The following KMT2D variants were observed in gnomAD, a reference collection of about 807,000 sequenced individuals.
KMT2D encodes histone-lysine N-methyltransferase 2D.
In KMT2D, 55 loss-of-function variants were observed where a neutral mutation model predicts 512.7. The observed-to-expected ratio is 0.11, with a 90% CI of 0.09 to 0.13. The LOEUF (loss-of-function observed/expected upper bound fraction) is 0.13, where lower values mean the gene tolerates loss of function less well. Ranked by LOEUF, KMT2D falls within the 10% of genes least tolerant of loss-of-function variation. The pLI is 1.00. For missense variants in KMT2D, 6,061 were observed against 7,127.9 expected, an observed-to-expected ratio of 0.85 and a Z score of 5.39; for synonymous variants, 2,995 against 2,904.0, an observed-to-expected ratio of 1.03 and a Z score of -1.01.
In KMT2D at chr12:49,038,969, T is replaced by G. The variant is rs534493047; in HGVS notation, c.8387A>C (p.Gln2796Pro). The part of the protein sequence containing the change: ...VNSRQLVGGS[Q>P]AFYQRAPYPG... ...ATAGGGTGCTCGCTGATAGAAAGCTTGGGAGCCTCCTACCAGTTGCCTGGA... is the reference window on the plus strand; with the variant it reads ...ATAGGGTGCTCGCTGATAGAAAGCTGGGGAGCCTCCTACCAGTTGCCTGGA... Residue 2796 changes from glutamine to proline, a missense_variant, in exon 35 of 55, where the codon CAA (glutamine) becomes CCA (proline). Around this residue, in one of 16 missense-constraint regions of KMT2D, gnomAD observed 527 missense variants for 578.9 expected, o/e 0.91. Coordinates refer to ENST00000301067, the MANE Select transcript of KMT2D (RefSeq NM_003482.4). This position sits in a 1 kb window ranked among gnomAD's most constrained non-coding sequence, Gnocchi z 5.7. 1.9e-6 allele frequency: 3 copies of G among 1,551,736 alleles called. No homozygotes were observed. Among genetic ancestry groups the G allele is most frequent in the African/African-American group, 2.7e-5 (2 of 73,102 alleles).
In KMT2D at chr12:49,021,575, T is replaced by G; in HGVS notation, c.*205A>C. The stretch of plus-strand genomic sequence containing the variant: ...GCAGAGATGCCAGCCTGAGGGCCGG[T>G]GGTGGGGAAGAGGATTGTCCCTGGT... On this transcript the variant is annotated 3_prime_UTR_variant, in exon 55 of 55. Transcript: ENST00000301067. 2 of 552,900 alleles carry G rather than the reference T, an allele frequency of 3.6e-6. No individual in the cohort carries two copies. The highest frequency in any genetic ancestry group is 3.2e-6 in the Non-Finnish European group (1 of 311,252). The allele number at this position is 552,900 out of a possible 1,614,324, so 34.2% of individuals were successfully genotyped here.
rs748196351 is a variant in KMT2D, at chr12:49,042,525, G to A, written c.5867+36C>T. ...AACTCAGATGGAGGGAAAGGACAAC[G>A]AGGACTGCCCACAAAGGTTACGCAG... On this transcript the variant is annotated intron_variant, in intron 28 of 54. Transcript: ENST00000301067. The surrounding 1 kb of genome is among the most constrained non-coding windows in gnomAD (Gnocchi z 4.4). 14 of 1,602,482 alleles carry A rather than the reference G, an allele frequency of 8.7e-6. No individual in the cohort carries two copies. The highest frequency in any genetic ancestry group is 5.5e-5 in the South Asian group (5 of 90,282).
In KMT2D at chr12:49,027,188, G is replaced by C; in HGVS notation, c.14778C>G (p.Ala4926=). ...CAACCAAGGGCTCAGTAGGGGGACT[G>C]GCAGGAGAAGGTGCCAAGGGGGAAG... ...PPPSPLAPSP[A]SPPTEPLVEL... is the part of the protein sequence containing the mutation. The change falls in exon 49 of 55, where the codon GCC becomes GCG. Residue 4926 remains alanine (A), a synonymous_variant. Transcript: ENST00000301067. The C allele has an allele frequency of 6.5e-7, 1 of 1,543,486 alleles. No homozygotes were observed. The highest frequency in any genetic ancestry group is 2.3e-5 in the East Asian group (1 of 44,324).
intron 1 of KMT2D, among the ~76,000 whole-genome samples, chr12:49,056,041 C>T (rs1938387479): frequency 6.6e-6 from 1 of 152,230 alleles, no homozygotes; most frequent in African/African-American, 2.4e-5. Context: ...AGGGTCTCAC[C>T]CAGCCTGAAG....
intron 35 of KMT2D, 65 bp downstream of exon 35, chr12:49,037,060 A>G (rs1943255062): frequency 3.3e-6 from 5 of 1,511,094 alleles, no homozygotes; most frequent in African/African-American, 1.4e-5. Context: ...CTCTAGCCTC[A>G]GTGCCCATTT....
chr12:49,053,737 GAACAAAC>G, intron 6 of KMT2D, 96 bp from the exon 7 acceptor site: 2 of 1,377,124 alleles, frequency 1.5e-6, no homozygotes, highest in Non-Finnish European at 2.0e-6. Flanking sequence ...GGCACAGAAT[GAACAAAC>G]AACAAAGTTA....
Position 49,050,644 on chromosome 12 carries a change from T to C in KMT2D, c.2944A>G (p.Ile982Val), listed in dbSNP as rs1185221532. ...CAGTTAGCTTCTGGTGGAGGGCTGATGGGTGTCTCCAGGATGGGGGCAGCC... is the reference window on the plus strand; with the variant it reads ...CAGTTAGCTTCTGGTGGAGGGCTGACGGGTGTCTCCAGGATGGGGGCAGCC... ...PLAAPILETP[I>V]SPPPEANCTD... Residue 982 changes from isoleucine (I) to valine (V), a missense_variant, in exon 12 of 55, where the codon ATC becomes GTC. By Grantham distance (29) the Ile-to-Val change is conservative. Transcript: ENST00000301067. 5 of 1,612,954 alleles carry C rather than the reference T, an allele frequency of 3.1e-6. No homozygotes were observed. In the African/African-American group the frequency reaches 4.0e-5, roughly 13 times the overall value.
chr12:49,023,437 A>T (rs1028470001), intron 51 of KMT2D, among the ~76,000 whole-genome samples: 5 of 152,144 alleles, frequency 3.3e-5, no homozygotes, highest in African/African-American at 1.2e-4. Context: ...CTGACATAAC[A>T]TTGGGCTCTG....
At chr12:49,031,084 C>A (rs2120415271) in intron 40 of KMT2D, 51 bp from the exon 41 acceptor site, 1 of 1,611,706 alleles carries the variant, frequency 6.2e-7, no homozygotes, top group Non-Finnish European at 8.5e-7. Context: ...TCAGAGCCCT[C>A]ATCTCTTCTG....
Position 49,037,940 on chromosome 12 carries a change from G to A in KMT2D, c.9416C>T (p.Pro3139Leu), listed in dbSNP as rs1943304441. The change falls in exon 35 of 55, where the codon CCC (proline) becomes CTC (leucine). Residue 3139 changes from proline (P) to leucine (L), a missense_variant. Pro to Leu is a moderately conservative substitution (Grantham distance 98). This residue lies in a region of KMT2D where 533 missense variants were observed against 539.6 expected (regional missense o/e 0.99). Coordinates refer to ENST00000301067, the MANE Select transcript of KMT2D (RefSeq NM_003482.4). ...PSPCQFTIAT[P>L]KVEPAPAANS... ...GGCAGCAGGTGCGGGCTCTACCTTG[G>A]GGGTAGCAATGGTGAATTGGCAAGG... is the stretch of plus-strand genomic sequence containing the variant. The A allele has an allele frequency of 6.2e-7, 1 of 1,604,390 alleles. No individual in the cohort carries two copies. Among genetic ancestry groups the A allele is most frequent in the South Asian group, 1.1e-5 (1 of 89,540 alleles).
rs1188287467 is a variant in KMT2D, at chr12:49,040,711, G to A, written c.7059C>T (p.Pro2353=). 1.2e-6 allele frequency: 2 copies of A among 1,613,796 alleles called. No homozygotes were observed. Among genetic ancestry groups the A allele is most frequent in the Non-Finnish European group, 1.7e-6 (2 of 1,179,804 alleles). Residue 2353 remains proline, a synonymous_variant, in exon 32 of 55, where the codon CCC becomes CCT. Transcript: ENST00000301067. ...PGLGLRPQEP[P]PAQALAPSPP... is the part of the protein sequence containing the mutation. Reference sequence around the variant, plus strand: ...GAGAAGGTGCCAAAGCCTGGGCAGGGGGTGGCTCCTGGGGCCTTAGGCCCA... The same window carrying A: ...GAGAAGGTGCCAAAGCCTGGGCAGGAGGTGGCTCCTGGGGCCTTAGGCCCA...
intron 1 of KMT2D, among the ~76,000 whole-genome samples, chr12:49,056,057 A>G (rs1938388046): frequency 6.6e-6 from 1 of 152,240 alleles, no homozygotes; most frequent in Admixed American, 6.5e-5. Flanking sequence ...TGAAGGTCTC[A>G]GGTCATTGCC....
chr12:49,042,345 CAG>C lies in KMT2D; in HGVS notation c.5868-17_5868-16del, dbSNP rs927940314. 7 of 1,511,200 alleles carry C rather than the reference CAG, an allele frequency of 4.6e-6. No individual in the cohort carries two copies. In the South Asian group the frequency reaches 6.4e-5, roughly 14 times the overall value. The allele number at this position is 1,511,200 out of a possible 1,614,324, so 93.6% of individuals were successfully genotyped here. On this transcript the variant is annotated splice_polypyrimidine_tract_variant and intron_variant, in intron 28 of 54. Coordinates refer to ENST00000301067, the MANE Select transcript of KMT2D (RefSeq NM_003482.4). This position sits in a 1 kb window ranked among gnomAD's most constrained non-coding sequence, Gnocchi z 4.4. ...CCCCGCGCTCCCTGGGGCGCAGGGGCAGAGAGTCACAGGGCGCAGGGATGCCA... is the reference window on the plus strand; with the variant it reads ...CCCCGCGCTCCCTGGGGCGCAGGGGCAGAGTCACAGGGCGCAGGGATGCCA...
At position 49,032,460 on chromosome 12, in the gene KMT2D, G is replaced by C. The variant is rs768226121; in HGVS notation, c.12245C>G (p.Pro4082Arg). Residue 4082 changes from proline (P) to arginine (R), a missense_variant, in exon 40 of 55, where the codon CCC becomes CGC. Transcript: ENST00000301067. ...CTGCAGAGAGCTGGGCTGAGGCTGG[G>C]GCTGGGGTTGGACAAGCAGGAGTTG... The part of the protein sequence containing the change: ...DSQLLLVQPQ[P>R]QPQPSSLQLQ... 5 of 1,567,576 alleles carry C rather than the reference G, an allele frequency of 3.2e-6. No individual in the cohort carries two copies. In the Admixed American group the frequency reaches 9.6e-5, roughly 30 times the overall value.
rs553597199 is a variant in KMT2D, at chr12:49,046,992, C to A, written c.4237-202G>T. Among the ~76,000 whole-genome samples, 1 of 152,188 alleles carries A rather than the reference C, an allele frequency of 6.6e-6. No individual in the cohort carries two copies. The highest frequency in any genetic ancestry group is 2.1e-4 in the South Asian group (1 of 4,818). ...TCCCAAGTAGCTGAGATTACAGGCA[C>A]CTGCCACCACACCTGGCTAATTTTT... On this transcript the variant is annotated intron_variant, in intron 15 of 54. Coordinates refer to ENST00000301067, the MANE Select transcript of KMT2D (RefSeq NM_003482.4). The surrounding 1 kb of genome is among the most constrained non-coding windows in gnomAD (Gnocchi z 4.2).
At position 49,060,633 on chromosome 12, in the gene KMT2D, C is replaced by T. The variant is rs894495668; in HGVS notation, c.-1058G>A. Among the ~76,000 whole-genome samples the T allele has an allele frequency of 6.6e-6, 1 of 152,214 alleles. No individual in the cohort carries two copies. The highest frequency in any genetic ancestry group is 1.5e-5 in the Non-Finnish European group (1 of 68,032). On this transcript the variant is annotated 5_prime_UTR_variant, in exon 1 of 55. Transcript: ENST00000301067. ...CTCCTGTTCGGCCGGTAGGGTGGTT[C>T]CTGCGAAGGGGCTATTTCCTGGCCC...
Position 49,037,160 on chromosome 12 carries a change from T to G in KMT2D, c.10196A>C (p.Gln3399Pro). The G allele has an allele frequency of 6.3e-7, 1 of 1,590,888 alleles. No individual in the cohort carries two copies. Among genetic ancestry groups the G allele is most frequent in the South Asian group, 1.1e-5 (1 of 89,346 alleles). Residue 3399 changes from glutamine (Q) to proline (P), a missense_variant, in exon 35 of 55, where the codon CAG becomes CCG. Gln to Pro is a moderately conservative substitution (Grantham distance 76). Around this residue, in one of 16 missense-constraint regions of KMT2D, gnomAD observed 533 missense variants for 539.6 expected, o/e 0.99. Transcript: ENST00000301067. ...MCMKPQQLAM[Q>P]QQLANSFFPD... ...GAAGAAGCTGTTTGCCAGCTGCTGCTGCATTGCCAATTGCTGCGGCTTCAT... is the reference window on the plus strand; with the variant it reads ...GAAGAAGCTGTTTGCCAGCTGCTGCGGCATTGCCAATTGCTGCGGCTTCAT...
Position 49,060,268 on chromosome 12 carries a change from C to A in KMT2D, c.-693G>T, listed in dbSNP as rs888993144. Among the ~76,000 whole-genome samples, 1 of 152,114 alleles carries A rather than the reference C, an allele frequency of 6.6e-6. No individual in the cohort carries two copies. Among genetic ancestry groups the A allele is most frequent in the African/African-American group, 2.4e-5 (1 of 41,444 alleles). ...TTCGAGCCCCCCACCTTCTGCTCCC[C>A]CCGGGGAAGGGAGGAGGCTAGGTAG... is the stretch of plus-strand genomic sequence containing the variant. On this transcript the variant is annotated 5_prime_UTR_variant, in exon 1 of 55. Transcript: ENST00000301067.
chr12:49,043,677 C>A lies in KMT2D; in HGVS notation c.5425G>T (p.Asp1809Tyr), dbSNP rs1162724413. The change falls in exon 24 of 55, where the codon GAT (aspartate) becomes TAT (tyrosine). Residue 1809 changes from aspartate (D) to tyrosine (Y), a missense_variant. By Grantham distance (160) the Asp-to-Tyr change is radical. Transcript: ENST00000301067. ...AGTTCCTTCCTTTCTGAGCCTCCAT[C>A]TCCCTTGGCTTTTGGGGTCCCTAGT... ...FGLGTPKAKG[D>Y]GGSERKELPT... is the part of the protein sequence containing the mutation. 6.2e-7 allele frequency: 1 copy of A among 1,614,060 alleles called. No individual in the cohort carries two copies. The highest frequency in any genetic ancestry group is 1.1e-5 in the South Asian group (1 of 91,086).
Sources: allele counts gnomAD v4.1 joint callset (sites outside exome capture counted in the v4.1 genomes callset), GRCh38; gene constraint gnomAD v4.1.1; regional missense constraint gnomAD v4.1.1; non-coding constraint Gnocchi (gnomAD v3.1); transcripts MANE v1.5; gene names NCBI Gene and HGNC (gene_info 2026-07-23, HGNC 2026-07-21).